Variants in SLC28A2 observed in about 807,000 individuals in gnomAD.
The protein encoded by SLC28A2 is solute carrier family 28 member 2, also known as sodium/nucleoside cotransporter 2.
Under a neutral mutation model 72.9 loss-of-function variants are expected in SLC28A2, and 69 were observed. The observed-to-expected ratio is 0.95, with a 90% CI of 0.78 to 1.16. The LOEUF is 1.16. Among genes scored for constraint, SLC28A2 ranks in the 50% most tolerant of loss-of-function variants. SLC28A2 has a pLI of 0.00. For missense variants in SLC28A2, 745 were observed against 791.1 expected, an observed-to-expected ratio of 0.94 and a Z score of 0.70; for synonymous variants, 296 against 294.1, an observed-to-expected ratio of 1.01 and a Z score of -0.07.
At chr15:45,259,323 AT>A (rs1900075888) in intron 3 of SLC28A2, among the ~76,000 whole-genome samples, 2 of 152,212 alleles carry the variant, frequency 1.3e-5, no homozygotes, top group East Asian at 3.9e-4. Context: ...AACATATACA[AT>A]TTTTGTCAAT....
At chr15:45,256,900 C>T (rs1294467216) in intron 3 of SLC28A2, among the ~76,000 whole-genome samples, 1 of 152,106 alleles carries the variant, frequency 6.6e-6, no homozygotes, top group African/African-American at 2.4e-5. Flanking sequence ...ACCTCTGTAG[C>T]TCTCCAGTTG....
intron 12 of SLC28A2, 116 bp downstream of exon 12, chr15:45,267,912 C>A: frequency 7.8e-7 from 1 of 1,283,730 alleles, no homozygotes. Context: ...CATATTCCTT[C>A]TTGCCTATCT....
At chr15:45,264,601 C>A in intron 6 of SLC28A2, 54 bp from the exon 7 acceptor site, 1 of 1,214,394 alleles carries the variant, frequency 8.2e-7, no homozygotes, top group Non-Finnish European at 1.2e-6. Context: ...AAAACTCCAA[C>A]CAGGTAATGG....
At position 45,263,199 on chromosome 15, in the gene SLC28A2, G is replaced by A. The variant is rs1316871905; in HGVS notation, c.401G>A (p.Cys134Tyr). The A allele has an allele frequency of 6.2e-6, 10 of 1,613,908 alleles. No individual in the cohort carries two copies. Among genetic ancestry groups the A allele is most frequent in the African/African-American group, 1.3e-5 (1 of 74,904 alleles). Residue 134 changes from cysteine to tyrosine, a missense_variant, in exon 5 of 18, where the codon TGT (cysteine) becomes TAT (tyrosine). Physicochemically the swap from Cys to Tyr is radical, Grantham distance 194 (BLOSUM62 -2). Coordinates refer to ENST00000347644, the MANE Select transcript of SLC28A2 (RefSeq NM_004212.4). ...KKLLGKKLTR[C>Y]LKPFENSRLR... ...CTCCTGGGCAAAAAATTAACAAGAT[G>A]TCTGAAGCCCTTTGAAAACTCCCGC...
chr15:45,262,304 A>G (rs1203470819), intron 4 of SLC28A2, among the ~76,000 whole-genome samples, 198 bp downstream of exon 4: 1 of 152,192 alleles, frequency 6.6e-6, no homozygotes, highest in Admixed American at 6.5e-5. Flanking sequence ...ATCTGAGAAT[A>G]AACTATTTTT....
chr15:45,274,025 A>T (rs1196304367), intron 17 of SLC28A2, among the ~76,000 whole-genome samples: 1 of 152,000 alleles, frequency 6.6e-6, no homozygotes, highest in Admixed American at 6.6e-5. Flanking sequence ...TCCTGGACTC[A>T]AGGGATCCTC....
chr15:45,276,454 C>T lies in SLC28A2; in HGVS notation c.*941C>T, dbSNP rs913984651. On this transcript the variant is annotated 3_prime_UTR_variant, in exon 18 of 18. Coordinates refer to ENST00000347644, the MANE Select transcript of SLC28A2 (RefSeq NM_004212.4). ...ATGTAACTAACCTGCATATTGTGCA[C>T]ATGTACCCTAAAACTTAAAGTATAA... 4 of 151,512 alleles carry T rather than the reference C, an allele frequency of 2.6e-5. No individual in the cohort carries two copies. Among genetic ancestry groups the T allele is most frequent in the Non-Finnish European group, 5.9e-5 (4 of 67,920 alleles). 9.4% of individuals were successfully genotyped at this position (151,512 alleles called of 1,614,324 possible).
chr15:45,265,299 A>C (rs1463354264), intron 8 of SLC28A2, 133 bp downstream of exon 8: 3 of 704,498 alleles, frequency 4.3e-6, no homozygotes, highest in African/African-American at 1.8e-5. Flanking sequence ...GTTTAACCCC[A>C]TCAGTAAAGG....
At chr15:45,264,275 C>T (rs1228628507) in intron 6 of SLC28A2, among the ~76,000 whole-genome samples, 4 of 151,498 alleles carry the variant, frequency 2.6e-5, no homozygotes, top group Non-Finnish European at 5.9e-5. Flanking sequence ...GAATCTAGGC[C>T]AGTGTTAAAG....
At chr15:45,252,583 A>G (rs974217566) in intron 1 of SLC28A2, among the ~76,000 whole-genome samples, 2 of 152,190 alleles carry the variant, frequency 1.3e-5, no homozygotes, top group Admixed American at 6.5e-5. Context: ...ATGTTTGCTT[A>G]TTTTGTTTAA....
rs1255489009 is a variant in SLC28A2, at chr15:45,263,071, C to T, written c.273C>T (p.Ala91=). 1.2e-6 allele frequency: 2 copies of T among 1,613,126 alleles called. No homozygotes were observed. Among genetic ancestry groups the T allele is most frequent in the Non-Finnish European group, 8.5e-7 (1 of 1,179,710 alleles). The part of the protein sequence containing the change: ...LLGLLCLAYA[A]YLLAACILNF... ...TTCTTCTCTTTTTAGCCTATGCTGCCTATCTCCTGGCAGCTTGCATCTTGA... is the reference window on the plus strand; with the variant it reads ...TTCTTCTCTTTTTAGCCTATGCTGCTTATCTCCTGGCAGCTTGCATCTTGA... Residue 91 remains alanine (A), a synonymous_variant, in exon 5 of 18, where the codon GCC becomes GCT. Coordinates refer to ENST00000347644, the MANE Select transcript of SLC28A2 (RefSeq NM_004212.4).
At chr15:45,264,164 T>G in intron 6 of SLC28A2, 142 bp downstream of exon 6, 1 of 777,680 alleles carries the variant, frequency 1.3e-6, no homozygotes, top group Non-Finnish European at 1.9e-6. Flanking sequence ...CTTTGATAAT[T>G]TTGTTTCTAA....
chr15:45,265,525 C>A, intron 8 of SLC28A2, 58 bp from the exon 9 acceptor site: 1 of 1,211,924 alleles, frequency 8.3e-7, no homozygotes, highest in Non-Finnish European at 1.2e-6. Context: ...AACTTAGAAG[C>A]CTAAAACACA....
intron 11 of SLC28A2, 30 bp downstream of exon 11, chr15:45,267,610 G>A: frequency 6.2e-7 from 1 of 1,614,036 alleles, no homozygotes; most frequent in Non-Finnish European, 8.5e-7. Flanking sequence ...TCACTCCTGG[G>A]TGAACTCGAG....
Position 45,267,556 on chromosome 15 carries a change from G to A in SLC28A2, c.1044G>A (p.Val348=). The change falls in exon 11 of 18, where the codon GTG becomes GTA. Residue 348 remains valine, a synonymous_variant. Transcript: ENST00000347644. ...GGTTTGCCACCATTTCTGGCACTGT[G>A]CTGGGAGCCTTCATAGCCTTTGGGG... ...TGGFATISGT[V]LGAFIAFGVD... 1.9e-6 allele frequency: 3 copies of A among 1,614,174 alleles called. No individual in the cohort carries two copies. Among genetic ancestry groups the A allele is most frequent in the Non-Finnish European group, 2.5e-6 (3 of 1,180,022 alleles).
chr15:45,270,225 C>T lies in SLC28A2; in HGVS notation c.1597C>T (p.Leu533Phe), dbSNP rs975698408. Residue 533 changes from leucine to phenylalanine, a missense_variant, in exon 15 of 18, where the codon CTC becomes TTC. Coordinates refer to ENST00000347644, the MANE Select transcript of SLC28A2 (RefSeq NM_004212.4). ...AGCTGAAATCATTACAACATTTTCA[C>T]TCTGTGGATTTGCCAATCTTAGTTC... ...VRAEIITTFS[L>F]CGFANLSSIG... is the part of the protein sequence containing the mutation. 1.4e-5 allele frequency: 23 copies of T among 1,613,782 alleles called. No homozygotes were observed. Among genetic ancestry groups the T allele is most frequent in the Non-Finnish European group, 1.9e-5 (22 of 1,179,642 alleles).
chr15:45,269,752 C>T (rs1265030831), intron 14 of SLC28A2, among the ~76,000 whole-genome samples: 1 of 152,214 alleles, frequency 6.6e-6, no homozygotes, highest in Non-Finnish European at 1.5e-5. Context: ...CTGCCACCCC[C>T]ACCACTGCCC....
chr15:45,260,904 T>C (rs186216666), intron 3 of SLC28A2, among the ~76,000 whole-genome samples: 33 of 152,320 alleles, frequency 2.2e-4, no homozygotes, highest in Middle Eastern at 3.4e-3. Context: ...GTACACACTC[T>C]GCTCAGCTAA....
intron 17 of SLC28A2, among the ~76,000 whole-genome samples, chr15:45,273,423 A>G (rs559999212): frequency 2.0e-5 from 3 of 152,344 alleles, no homozygotes; most frequent in Admixed American, 6.5e-5. Context: ...TTTGGAACAC[A>G]CAAAAGGAAA....
Sources: allele counts gnomAD v4.1 joint callset (sites outside exome capture counted in the v4.1 genomes callset), GRCh38; gene constraint gnomAD v4.1.1; transcripts MANE v1.5; gene names NCBI Gene and HGNC (gene_info 2026-07-23, HGNC 2026-07-21).